Variants in WDR59 observed in about 807,000 individuals in gnomAD.
The protein encoded by WDR59 is WD repeat domain 59.
Under a neutral mutation model 131.2 loss-of-function variants are expected in WDR59, and 100 were observed. The ratio of observed to expected loss-of-function variants is 0.76; its 90% confidence interval spans 0.65 to 0.90. The LOEUF (loss-of-function observed/expected upper bound fraction) is 0.90, where lower values mean the gene tolerates loss of function less well. WDR59 is among the 40% of genes least tolerant of loss of function. WDR59 has a pLI of 0.00. For missense variants in WDR59, 1,203 were observed against 1,262.2 expected, an observed-to-expected ratio of 0.95 and a Z score of 0.71; for synonymous variants, 601 against 466.2, an observed-to-expected ratio of 1.29 and a Z score of -3.72.
chr16:74,881,247 G>A (rs1964467193), intron 25 of WDR59, among the ~76,000 whole-genome samples: 2 of 152,230 alleles, frequency 1.3e-5, no homozygotes, highest in South Asian at 4.1e-4. Context: ...CTATGATGAA[G>A]TCTGTGGATA....
chr16:74,984,214 T>C (rs577650933), intron 1 of WDR59, among the ~76,000 whole-genome samples: 2 of 152,058 alleles, frequency 1.3e-5, no homozygotes, highest in East Asian at 1.9e-4. Flanking sequence ...GAGGCGGAGG[T>C]TGCAGTGAGC....
At chr16:74,981,610 T>TTACATATATATATATATATA (rs2034406494) in intron 1 of WDR59, among the ~76,000 whole-genome samples, 1 of 76,704 alleles carries the variant, frequency 1.3e-5, no homozygotes, top group African/African-American at 5.8e-5. Context: ...ACATATACAT[T>TTACATATATATATATATATA]TACATATATA....
intron 11 of WDR59, among the ~76,000 whole-genome samples, chr16:74,917,079 C>T (rs902538007): frequency 1.3e-5 from 2 of 152,120 alleles, no homozygotes; most frequent in African/African-American, 4.8e-5. Context: ...AGTGAGACAC[C>T]TTCCCACTGT....
In WDR59 at chr16:74,907,672, C is replaced by A; in HGVS notation, c.1712+1236G>T. Among the ~76,000 whole-genome samples, 2 of 152,146 alleles carry A rather than the reference C, an allele frequency of 1.3e-5. 1 individual carries two copies. The highest frequency in any genetic ancestry group is 3.8e-4 in the East Asian group (2 of 5,198). On this transcript the variant is annotated intron_variant, in intron 17 of 25. Transcript: ENST00000262144. ...ATCCAGCGCCTTCAGGGGTTTGCAG[C>A]AGGGAGGTTTGCAACTTATTATATC...
intron 3 of WDR59, among the ~76,000 whole-genome samples, chr16:74,953,781 C>G (rs2033135516): frequency 6.6e-6 from 1 of 151,582 alleles, no homozygotes; most frequent in South Asian, 2.1e-4. Flanking sequence ...GCAGGCGGAT[C>G]ATGAGGTGAG....
At chr16:74,888,392 C>G (rs558769437) in intron 21 of WDR59, 73 bp from the exon 22 acceptor site, 36 of 1,456,302 alleles carry the variant, frequency 2.5e-5, no homozygotes, top group Admixed American at 6.6e-5. Flanking sequence ...ACAGTCATGG[C>G]GTGTTACTGC....
intron 25 of WDR59, among the ~76,000 whole-genome samples, chr16:74,880,972 T>A (rs143298954): frequency 6.6e-6 from 1 of 152,210 alleles, no homozygotes; most frequent in Non-Finnish European, 1.5e-5. Flanking sequence ...AGTAAACTGT[T>A]GAACGAAATT....
intron 25 of WDR59, among the ~76,000 whole-genome samples, chr16:74,875,877 C>T (rs1292687043): frequency 2.0e-5 from 3 of 152,176 alleles, no homozygotes; most frequent in African/African-American, 4.8e-5. Flanking sequence ...ACTTCATACA[C>T]GCGATCACCA....
intron 4 of WDR59, among the ~76,000 whole-genome samples, chr16:74,950,890 T>G (rs2145137099): frequency 6.6e-6 from 1 of 151,624 alleles, no homozygotes; most frequent in Middle Eastern, 3.4e-3. Context: ...GCACAGTGGT[T>G]CACGCCTGTA....
chr16:74,979,233 G>A (rs1344718931), intron 1 of WDR59: 2 of 66,186 alleles, frequency 3.0e-5, no homozygotes, highest in Non-Finnish European at 6.8e-5. Flanking sequence ...GGGAGGCCAA[G>A]GCGGGCAGAT....
In WDR59 at chr16:74,874,276, C is replaced by T; in HGVS notation, c.2858G>A (p.Trp953Ter). 1.2e-6 allele frequency: 2 copies of T among 1,614,194 alleles called. No individual in the cohort carries two copies. The highest frequency in any genetic ancestry group is 1.7e-6 in the Non-Finnish European group (2 of 1,180,036). ...HGGHTSHMME[W>*]FRTQEVCPTG... ...GGGACACACCTCCTGGGTCCGAAAC[C>T]ACTCCATCATGTGGCTGGTGTGGCC... The change falls in exon 26 of 26, where the codon TGG (tryptophan) becomes TAG (stop). Residue 953 changes from tryptophan (W) to a stop codon, truncating the protein, a stop_gained. Transcript: ENST00000262144. LOFTEE classifies it high-confidence loss of function.
intron 21 of WDR59, among the ~76,000 whole-genome samples, chr16:74,889,241 T>C (rs757869201): frequency 3.0e-4 from 45 of 152,366 alleles, no homozygotes; most frequent in Admixed American, 7.8e-4. Flanking sequence ...GTTTTCCATA[T>C]GTCAGTGCAA....
At chr16:74,886,899 G>T (rs1258140666) in intron 23 of WDR59, among the ~76,000 whole-genome samples, 1 of 152,094 alleles carries the variant, frequency 6.6e-6, no homozygotes, top group African/African-American at 2.4e-5. Flanking sequence ...CTCCAGCCTG[G>T]CGACAGAGCA....
chr16:74,949,080 G>A (rs1048405130), intron 5 of WDR59, among the ~76,000 whole-genome samples: 1 of 152,082 alleles, frequency 6.6e-6, no homozygotes, highest in Admixed American at 6.6e-5. Flanking sequence ...AACACTTTGG[G>A]ACACCAAGGT....
At chr16:74,949,062 A>G (rs2032826784) in intron 5 of WDR59, among the ~76,000 whole-genome samples, 1 of 152,116 alleles carries the variant, frequency 6.6e-6, no homozygotes, top group Admixed American at 6.6e-5. Context: ...GCTCACACCT[A>G]TAATCCCAAC....
chr16:74,942,528 C>G lies in WDR59; in HGVS notation c.534+210G>C, dbSNP rs539294634. Among the ~76,000 whole-genome samples, 8 of 152,186 alleles carry G rather than the reference C, an allele frequency of 5.3e-5. No homozygotes were observed. In the East Asian group the frequency reaches 9.7e-4, roughly 18 times the overall value. ...GGCAAAATGGAGCTGATTTTTTCAA[C>G]CACTGTTCCTAATGTCTCACTTCCC... is the stretch of plus-strand genomic sequence containing the variant. On this transcript the variant is annotated intron_variant, in intron 7 of 25. Coordinates refer to ENST00000262144, the MANE Select transcript of WDR59 (RefSeq NM_030581.4).
intron 1 of WDR59, among the ~76,000 whole-genome samples, chr16:74,967,789 G>A (rs2033832523): frequency 1.3e-5 from 2 of 150,086 alleles, no homozygotes; most frequent in South Asian, 4.2e-4. Context: ...ACCCCGGGAA[G>A]CAGAGGTTGC....
intron 2 of WDR59, among the ~76,000 whole-genome samples, chr16:74,962,343 T>G (rs904609271): frequency 1.3e-5 from 2 of 152,132 alleles, no homozygotes; most frequent in African/African-American, 2.4e-5. Context: ...TAGTTTAATG[T>G]GAACAGCATT....
intron 1 of WDR59, 87 bp downstream of exon 1, chr16:74,984,877 T>A (rs568033128): frequency 1.1e-5 from 17 of 1,543,250 alleles, no homozygotes; most frequent in Non-Finnish European, 1.4e-5. Context: ...GGTCTCCCCG[T>A]AGCCCCCCGG....
Sources: gnomAD v4.1 joint callset for allele counts (sites outside exome capture counted in the v4.1 genomes callset) on GRCh38, gnomAD v4.1.1 for gene constraint, MANE v1.5 for transcripts, NCBI Gene and HGNC (gene_info 2026-07-23, HGNC 2026-07-21) for gene names.